The following ADARB2 variants were observed in gnomAD, a reference collection of about 807,000 sequenced individuals.
ADARB2 encodes the protein inactive double-stranded RNA-specific editase B2.
ADARB2 carries 25 observed loss-of-function variants against 62.2 expected under a neutral mutation model. That is an observed-to-expected ratio of 0.40 (90% confidence interval 0.29 to 0.56). The LOEUF is 0.56. Ranked by LOEUF, ADARB2 falls within the 20% of genes least tolerant of loss-of-function variation. The pLI is 0.43. For synonymous variants in ADARB2, 572 were observed against 500.8 expected (o/e 1.14, Z -1.90); for missense variants, 1,071 against 1,077.4 (o/e 0.99, Z 0.08).
chr10:1,216,913 C>A, intron 7 of ADARB2, 38 bp downstream of exon 7: 1 of 1,592,614 alleles, frequency 6.3e-7, no homozygotes, highest in Non-Finnish European at 8.5e-7. Flanking sequence ...CCCCACCGGC[C>A]GCAGCCAACA....
chr10:1,549,814 C>T (rs1390751493), intron 1 of ADARB2, among the ~76,000 whole-genome samples: 1 of 152,178 alleles, frequency 6.6e-6, no homozygotes, highest in Admixed American at 6.5e-5. Context: ...CAGACCCTTC[C>T]TTCCAGCCAA....
At chr10:1,610,586 C>A (rs1398258353) in intron 1 of ADARB2, among the ~76,000 whole-genome samples, 1 of 152,178 alleles carries the variant, frequency 6.6e-6, no homozygotes, top group Non-Finnish European at 1.5e-5. Flanking sequence ...AGCTGCTGAG[C>A]CGGGAATAAG....
At chr10:1,510,444 A>G (rs1355477454) in intron 1 of ADARB2, among the ~76,000 whole-genome samples, 1 of 151,966 alleles carries the variant, frequency 6.6e-6, no homozygotes, top group Non-Finnish European at 1.5e-5. Flanking sequence ...AGCATCCCAA[A>G]GTGTTGGGAT....
At chr10:1,444,201 C>T (rs111207840) in intron 1 of ADARB2, among the ~76,000 whole-genome samples, 13 of 150,136 alleles carry the variant, frequency 8.7e-5, no homozygotes, top group African/African-American at 3.2e-4. Context: ...CATCCACTCA[C>T]CCACTCATCC....
intron 1 of ADARB2, among the ~76,000 whole-genome samples, chr10:1,688,413 T>A (rs1468701453): frequency 6.6e-6 from 1 of 152,198 alleles, no homozygotes; most frequent in Non-Finnish European, 1.5e-5. Context: ...GCTCCAGACC[T>A]TGGGATGGGC....
At chr10:1,690,797 T>C (rs1260049639) in intron 1 of ADARB2, among the ~76,000 whole-genome samples, 1 of 152,228 alleles carries the variant, frequency 6.6e-6, no homozygotes, top group Non-Finnish European at 1.5e-5. Context: ...CCAGCCTGCA[T>C]GCACACTGTC....
intron 1 of ADARB2, among the ~76,000 whole-genome samples, chr10:1,396,402 A>C (rs12779875): frequency 0.29 from 44,097 of 152,032 alleles, 7,082 homozygotes; most frequent in Non-Finnish European, 0.36. Flanking sequence ...TGAACAAAGG[A>C]TAGAAAAGCC....
chr10:1,377,104 C>A (rs1174850466), intron 2 of ADARB2, among the ~76,000 whole-genome samples: 1 of 111,394 alleles, frequency 9.0e-6, no homozygotes, highest in African/African-American at 3.7e-5. Flanking sequence ...TTGTGTGCAC[C>A]CCTGGGATGT....
intron 1 of ADARB2, among the ~76,000 whole-genome samples, chr10:1,417,505 A>G (rs766542606): frequency 1.1e-4 from 17 of 152,234 alleles, no homozygotes; most frequent in Admixed American, 1.3e-4. Context: ...GATGGATTTT[A>G]TTATCATTCC....
chr10:1,220,821 G>C (rs891331902), intron 6 of ADARB2, among the ~76,000 whole-genome samples: 1 of 152,218 alleles, frequency 6.6e-6, no homozygotes, highest in Non-Finnish European at 1.5e-5. Context: ...TTGATAGCCT[G>C]TTAATGCCAT....
chr10:1,632,304 A>G (rs777408288), intron 1 of ADARB2, among the ~76,000 whole-genome samples: 3 of 152,150 alleles, frequency 2.0e-5, no homozygotes, highest in African/African-American at 7.2e-5. Context: ...ACACATGCGC[A>G]CACACACAGG....
At chr10:1,219,563 C>CGAATGAGA (rs374116848) in intron 6 of ADARB2, among the ~76,000 whole-genome samples, 3 of 152,170 alleles carry the variant, frequency 2.0e-5, no homozygotes, top group Non-Finnish European at 2.9e-5. Context: ...GAAAAAAGAG[C>CGAATGAGA]GAATGAGAGG....
chr10:1,567,206 A>T (rs1430893267), intron 1 of ADARB2, among the ~76,000 whole-genome samples: 1 of 151,876 alleles, frequency 6.6e-6, no homozygotes, highest in African/African-American at 2.4e-5. Flanking sequence ...AGACCTGCTC[A>T]CACTGATGCC....
At chr10:1,330,880 A>C (rs1474578255) in intron 3 of ADARB2, among the ~76,000 whole-genome samples, 1 of 152,236 alleles carries the variant, frequency 6.6e-6, no homozygotes, top group Non-Finnish European at 1.5e-5. Flanking sequence ...ACATTCTCCT[A>C]TGTCTGATAA....
chr10:1,449,634 A>T (rs920162770), intron 1 of ADARB2, among the ~76,000 whole-genome samples: 25 of 152,320 alleles, frequency 1.6e-4, no homozygotes, highest in Non-Finnish European at 3.1e-4. Flanking sequence ...CTGAAATCTC[A>T]TGCAAATCCC....
chr10:1,696,782 T>C (rs1039152397), intron 1 of ADARB2, among the ~76,000 whole-genome samples: 9 of 152,138 alleles, frequency 5.9e-5, no homozygotes, highest in Non-Finnish European at 1.0e-4. Flanking sequence ...CTAGAGGCTG[T>C]GACAAGGTGG....
At chr10:1,284,185 C>T (rs560437486) in intron 3 of ADARB2, among the ~76,000 whole-genome samples, 2 of 152,302 alleles carry the variant, frequency 1.3e-5, no homozygotes, top group South Asian at 4.1e-4. Flanking sequence ...GCAGAGATCG[C>T]TCCCACGTGA....
chr10:1,375,428 A>G (rs1157475547), intron 2 of ADARB2, among the ~76,000 whole-genome samples: 2 of 152,152 alleles, frequency 1.3e-5, no homozygotes, highest in Non-Finnish European at 2.9e-5. Flanking sequence ...CACTTCCCGC[A>G]GGTATAGGCA....
intron 9 of ADARB2, among the ~76,000 whole-genome samples, chr10:1,183,901 A>C (rs889098465): frequency 1.3e-5 from 2 of 152,216 alleles, no homozygotes; most frequent in Non-Finnish European, 2.9e-5. Flanking sequence ...CAAATCCCAC[A>C]GCGGGTCTTC....
Sources: gnomAD v4.1 joint callset for allele counts (sites outside exome capture counted in the v4.1 genomes callset) on GRCh38, gnomAD v4.1.1 for gene constraint, MANE v1.5 for transcripts, NCBI Gene and HGNC (gene_info 2026-07-23, HGNC 2026-07-21) for gene names.